Variants in HTR3A observed in about 807,000 individuals in gnomAD.
The protein encoded by HTR3A is 5-hydroxytryptamine receptor 3A, also known as 5-hydroxytryptamine (serotonin) receptor 3A, ionotropic.
A neutral mutation model predicts 54.8 loss-of-function variants in HTR3A; 45 were observed. That is an observed-to-expected ratio of 0.82 (90% CI 0.65 to 1.05). HTR3A has a LOEUF of 1.05. Ranked by LOEUF, HTR3A falls within the 50% of genes least tolerant of loss-of-function variation. HTR3A has a pLI of 0.00. For missense variants in HTR3A, 657 were observed against 614.0 expected (o/e 1.07, Z -0.74); for synonymous variants, 297 against 256.0 (o/e 1.16, Z -1.53).
chr11:113,985,987 A>G, intron 5 of HTR3A, 28 bp from the exon 6 acceptor site: 1 of 1,613,962 alleles, frequency 6.2e-7, no homozygotes, highest in Non-Finnish European at 8.5e-7. Flanking sequence ...ACTAGATTCC[A>G]AAGCTGGCTT....
Position 113,987,007 on chromosome 11 carries a change from C to T in HTR3A, c.1099C>T (p.Pro367Ser). Residue 367 changes from proline to serine, a missense_variant, in exon 8 of 9, where the codon CCA becomes TCA. Pro to Ser is a moderately conservative substitution (Grantham distance 74, BLOSUM62 -1). Transcript: ENST00000504030. ...LREQSTSQRP[P>S]ATSQATKTDD... ...GGAGCAGTCAACTTCCCAGAGGCCC[C>T]CAGCCACCTCCCAAGCCACCAAGAC... 6.2e-7 allele frequency: 1 copy of T among 1,613,932 alleles called. No homozygotes were observed. Among genetic ancestry groups the T allele is most frequent in the Non-Finnish European group, 8.5e-7 (1 of 1,180,010 alleles).
chr11:113,985,960 T>G, intron 5 of HTR3A, 55 bp from the exon 6 acceptor site: 1 of 1,601,192 alleles, frequency 6.2e-7, no homozygotes, highest in South Asian at 1.1e-5. Flanking sequence ...CATCACAGGG[T>G]CCAGCAGGCT....
chr11:113,982,920 A>T (rs1048169294), intron 4 of HTR3A, among the ~76,000 whole-genome samples, 200 bp from the exon 5 acceptor site: 1 of 152,196 alleles, frequency 6.6e-6, no homozygotes, highest in Non-Finnish European at 1.5e-5. Flanking sequence ...GACTGCTTGA[A>T]AACTAGCCTT....
At chr11:113,987,809 AG>A (rs1301386065) in intron 8 of HTR3A, among the ~76,000 whole-genome samples, 1 of 152,250 alleles carries the variant, frequency 6.6e-6, no homozygotes, top group African/African-American at 2.4e-5. Context: ...TGAGGCAGAG[AG>A]ACATTAAATG....
intron 3 of HTR3A, 135 bp downstream of exon 3, chr11:113,979,412 A>G (rs1950394658): frequency 2.8e-6 from 2 of 725,852 alleles, no homozygotes; most frequent in East Asian, 5.2e-5. Context: ...GAGATCCAGG[A>G]GTGTGGAATC....
chr11:113,981,511 T>C (rs1194108095), intron 4 of HTR3A, among the ~76,000 whole-genome samples, 199 bp downstream of exon 4: 1 of 152,212 alleles, frequency 6.6e-6, no homozygotes. Context: ...TGAAAACTCC[T>C]TCTTTTCGGT....
In HTR3A at chr11:113,986,519, T is replaced by A; in HGVS notation, c.707T>A (p.Val236Glu). The part of the protein sequence containing the change: ...SNYYAEMKFY[V>E]VIRRRPLFYV... ...CCACAAGCTCTTCTCCGGTCCCAGG[T>A]GGTCATCCGCCGGCGGCCCCTCTTC... is the stretch of plus-strand genomic sequence containing the variant. Residue 236 changes from valine (V) to glutamate (E), a missense_variant and splice_region_variant, in exon 7 of 9, where the codon GTG becomes GAG. Val to Glu is a moderately radical substitution (Grantham distance 121). Transcript: ENST00000504030. 6.2e-7 allele frequency: 1 copy of A among 1,612,326 alleles called. No individual in the cohort carries two copies. The highest frequency in any genetic ancestry group is 8.5e-7 in the Non-Finnish European group (1 of 1,180,014).
intron 1 of HTR3A, among the ~76,000 whole-genome samples, chr11:113,976,571 TTGTGTGTGTGTGTGTGTGTG>T (rs34498899): frequency 1.4e-4 from 19 of 135,320 alleles, no homozygotes; most frequent in African/African-American, 3.8e-4. Context: ...AAAAAATAGT[TTGTGTGTGTGTGTGTGTGTG>T]TGTGTGTGTG....
chr11:113,976,644 G>A (rs138711432), intron 1 of HTR3A, among the ~76,000 whole-genome samples: 227 of 145,904 alleles, frequency 1.6e-3, no homozygotes, highest in African/African-American at 5.6e-3. Context: ...CCTTCTGAGG[G>A]AAGCCAGTAG....
chr11:113,977,490 T>A, intron 1 of HTR3A: 1 of 1,548,372 alleles, frequency 6.5e-7, no homozygotes, highest in African/African-American at 1.4e-5. Context: ...CTCAACCTGA[T>A]TTGAATCTCA....
Position 113,986,082 on chromosome 11 carries a change from G to T in HTR3A, c.612G>T (p.Met204Ile), listed in dbSNP as rs754006194. The change falls in exon 6 of 9, where the codon ATG (methionine) becomes ATT (isoleucine). Residue 204 changes from methionine (M) to isoleucine (I), a missense_variant. By Grantham distance (10) the Met-to-Ile change is conservative. Transcript: ENST00000504030. ...TGAAATCCGACAGGAGTGTCTTCAT[G>T]AACCAGGGAGAGTGGGAGTTGCTGG... ...EKVKSDRSVFMNQGEWELLGV... is the reference protein window; with the variant it reads ...EKVKSDRSVFINQGEWELLGV... 1.2e-6 allele frequency: 2 copies of T among 1,614,220 alleles called. No homozygotes were observed. Among genetic ancestry groups the T allele is most frequent in the Admixed American group, 1.7e-5 (1 of 60,024 alleles).
chr11:113,988,245 C>T (rs996609237), intron 8 of HTR3A, among the ~76,000 whole-genome samples: 3 of 152,358 alleles, frequency 2.0e-5, no homozygotes, highest in South Asian at 2.1e-4. Flanking sequence ...GTGAAGGAAG[C>T]CACTTCTGTA....
At position 113,981,221 on chromosome 11, in the gene HTR3A, C is replaced by T. The variant is rs1950418025; in HGVS notation, c.283C>T (p.Leu95Phe). Residue 95 changes from leucine to phenylalanine, a missense_variant, in exon 4 of 9, where the codon CTC (leucine) becomes TTC (phenylalanine). Coordinates refer to ENST00000504030, the MANE Select transcript of HTR3A (RefSeq NM_000869.6). Reference sequence around the variant, plus strand: ...CCCCTAGTACTGGACTGATGAGTTTCTCCAGTGGAACCCTGAGGACTTTGA... The same window carrying T: ...CCCCTAGTACTGGACTGATGAGTTTTTCCAGTGGAACCCTGAGGACTTTGA... ...WYRQYWTDEF[L>F]QWNPEDFDNI... 1.2e-6 allele frequency: 2 copies of T among 1,611,776 alleles called. No individual in the cohort carries two copies. Among genetic ancestry groups the T allele is most frequent in the African/African-American group, 1.3e-5 (1 of 74,894 alleles).
rs773535322 is a variant in HTR3A at position 113,983,161 on chromosome 11, T to A, written c.416T>A (p.Ile139Asn). The A allele has an allele frequency of 1.9e-6, 3 of 1,614,114 alleles. No individual in the cohort carries two copies. The highest frequency in any genetic ancestry group is 2.2e-5 in the East Asian group (1 of 44,890). Reference protein sequence around the residue: ...GKSPNIPYVYIRHQGEVQNYK... With the variant: ...GKSPNIPYVYNRHQGEVQNYK... Reference sequence around the variant, plus strand: ...TCTCCAAATATCCCGTACGTGTATATTCGGCATCAAGGCGAAGTTCAGAAC... The same window carrying A: ...TCTCCAAATATCCCGTACGTGTATAATCGGCATCAAGGCGAAGTTCAGAAC... The change falls in exon 5 of 9, where the codon ATT becomes AAT. Residue 139 changes from isoleucine to asparagine, a missense_variant. By Grantham distance (149) the Ile-to-Asn change is moderately radical (BLOSUM62 -3). Transcript: ENST00000504030.
chr11:113,979,088 A>G (rs79952725), intron 2 of HTR3A, 145 bp from the exon 3 acceptor site: 1 of 710,724 alleles, frequency 1.4e-6, no homozygotes, highest in East Asian at 2.7e-5. Flanking sequence ...CAGTCTATCT[A>G]CTTTCCCGAC....
rs375735972 is a variant in HTR3A at position 113,989,503 on chromosome 11, G to A, written c.1177G>A (p.Asp393Asn). 22 of 1,614,042 alleles carry A rather than the reference G, an allele frequency of 1.4e-5. No individual in the cohort carries two copies. The African/African-American group carries it at 2.4e-4, about 18-fold the overall frequency. ...NHCSHMGGPQ[D>N]FEKSPRDRCS... ...CTGCAGCCACATGGGAGGACCCCAG[G>A]ACTTCGAGAAGAGCCCGAGGGACAG... is the stretch of plus-strand genomic sequence containing the variant. The change falls in exon 9 of 9, where the codon GAC becomes AAC. Residue 393 changes from aspartate to asparagine, a missense_variant. Asp to Asn is a conservative substitution (Grantham distance 23). Transcript: ENST00000504030. The surrounding 1 kb of genome is among the most constrained non-coding windows in gnomAD (Gnocchi z 4.4).
rs372344997 is a variant in HTR3A at position 113,985,745 on chromosome 11, G to A, written c.545-270G>A. Among the ~76,000 whole-genome samples, 191 of 152,024 alleles carry A rather than the reference G, an allele frequency of 1.3e-3. 4 individuals are homozygous for A. In the South Asian group the frequency reaches 0.038, roughly 30 times the overall value. ...TGTGTGTGTGTGAAGGAGAGAGAGCGCTTTCTAATGAATGGTTTGCATGGT... is the reference window on the plus strand; with the variant it reads ...TGTGTGTGTGTGAAGGAGAGAGAGCACTTTCTAATGAATGGTTTGCATGGT... On this transcript the variant is annotated intron_variant, in intron 5 of 8. Transcript: ENST00000504030.
intron 5 of HTR3A, among the ~76,000 whole-genome samples, chr11:113,984,956 GT>G (rs1254110836): frequency 1.3e-5 from 2 of 151,720 alleles, no homozygotes; most frequent in African/African-American, 4.8e-5. Flanking sequence ...CCCCACTTCT[GT>G]TCTGATGTAT....
chr11:113,985,404 A>T (rs765990531), intron 5 of HTR3A, among the ~76,000 whole-genome samples: 1 of 152,200 alleles, frequency 6.6e-6, no homozygotes, highest in African/African-American at 2.4e-5. Context: ...AAATGCAAAC[A>T]TCTAATGATT....
Sources: allele counts gnomAD v4.1 joint callset (sites outside exome capture counted in the v4.1 genomes callset), GRCh38; gene constraint gnomAD v4.1.1; non-coding constraint Gnocchi (gnomAD v3.1); transcripts MANE v1.5; gene names NCBI Gene and HGNC (gene_info 2026-07-23, HGNC 2026-07-21).